The following HAL variants were observed in gnomAD, a reference collection of about 807,000 sequenced individuals.
HAL encodes histidine ammonia-lyase.
Under a neutral mutation model 81.1 loss-of-function variants are expected in HAL, and 85 were observed. That is an observed-to-expected ratio of 1.05 (90% confidence interval 0.88 to 1.25). The LOEUF (loss-of-function observed/expected upper bound fraction) is 1.25, where lower values mean the gene tolerates loss of function less well. HAL is among the 50% of genes most tolerant of loss of function. HAL has a pLI of 0.00. For synonymous variants in HAL, 301 were observed against 309.2 expected, an observed-to-expected ratio of 0.97 and a Z score of 0.28; for missense variants, 798 against 836.6, an observed-to-expected ratio of 0.95 and a Z score of 0.57.
Position 95,976,458 on chromosome 12 carries a change from C to T in HAL, c.1804G>A (p.Ala602Thr). 6.2e-7 allele frequency: 1 copy of T among 1,614,020 alleles called. No homozygotes were observed. Among genetic ancestry groups the T allele is most frequent in the Non-Finnish European group, 8.5e-7 (1 of 1,179,892 alleles). ...KDRFMAPDIE[A>T]AHRLLLEQKV... ...TGCTCCAGGAGCAGCCTGTGGGCTGCCTCGATGTCCGGGGCCATGAAGCGA... is the reference window on the plus strand; with the variant it reads ...TGCTCCAGGAGCAGCCTGTGGGCTGTCTCGATGTCCGGGGCCATGAAGCGA... Residue 602 changes from alanine to threonine, a missense_variant, in exon 20 of 21, where the codon GCA becomes ACA. Physicochemically the swap from Ala to Thr is moderately conservative, Grantham distance 58. Transcript: ENST00000261208.
rs780634001 is a variant in HAL at position 95,974,326 on chromosome 12, T to C, written c.1880A>G (p.His627Arg). The C allele has an allele frequency of 4.3e-6, 7 of 1,612,574 alleles. No homozygotes were observed. In the South Asian group the frequency reaches 6.6e-5, roughly 15 times the overall value. ...AGAAAGAGGTCTTGATTCTGGAATA[T>C]GCTCCATTCTGTATTTTTCAATGTA... ...APYIEKYRME[H>R]IPESRPLSPT... The change falls in exon 21 of 21, where the codon CAT (histidine) becomes CGT (arginine). Residue 627 changes from histidine to arginine, a missense_variant. Coordinates refer to ENST00000261208, the MANE Select transcript of HAL (RefSeq NM_002108.4).
intron 4 of HAL, 92 bp downstream of exon 4, chr12:95,994,706 A>G: frequency 8.1e-7 from 1 of 1,233,652 alleles, no homozygotes; most frequent in South Asian, 1.2e-5. Flanking sequence ...GTTCTAATTG[A>G]CAGTGTTTTC....
chr12:95,974,151 TTCTCAGGTCTCTCCTTCAGCCTAGTA>T lies in HAL; in HGVS notation c.*55_*80del. 1 of 1,244,860 alleles carries T rather than the reference TTCTCAGGTCTCTCCTTCAGCCTAGTA, an allele frequency of 8.0e-7. No homozygotes were observed. Among genetic ancestry groups the T allele is most frequent in the Non-Finnish European group, 1.2e-6 (1 of 842,998 alleles). 77.1% of individuals were successfully genotyped at this position (1,244,860 alleles called of 1,614,324 possible). A position where few individuals can be genotyped will look rare whatever the true frequency, so the allele number is the denominator to read the frequency against. ...CAATGGATTGATCTACCTAGGAAAG[TTCTCAGGTCTCTCCTTCAGCCTAGTA>T]TTGCTTTGTGCTAAACTGACTGCCC... On this transcript the variant is annotated 3_prime_UTR_variant, in exon 21 of 21. Transcript: ENST00000261208.
intron 10 of HAL, among the ~76,000 whole-genome samples, chr12:95,988,801 C>T (rs1033189414): frequency 7.2e-5 from 11 of 151,850 alleles, no homozygotes; most frequent in African/African-American, 2.7e-4. Context: ...CCCGAGGGGG[C>T]GATGGGCAGA....
chr12:95,989,177 G>A lies in HAL; in HGVS notation c.856-937C>T, dbSNP rs201185782. Among the ~76,000 whole-genome samples, 4 of 152,202 alleles carry A rather than the reference G, an allele frequency of 2.6e-5. No individual in the cohort carries two copies. The East Asian group carries it at 7.7e-4, about 29-fold the overall frequency. ...AGCGGAGACGGAAGCTTCTTAGAGGGCTTTTCTATTTTTCTTTTTATTTTT... is the reference window on the plus strand; with the variant it reads ...AGCGGAGACGGAAGCTTCTTAGAGGACTTTTCTATTTTTCTTTTTATTTTT... On this transcript the variant is annotated intron_variant, in intron 10 of 20. Coordinates refer to ENST00000261208, the MANE Select transcript of HAL (RefSeq NM_002108.4).
intron 9 of HAL, among the ~76,000 whole-genome samples, chr12:95,990,838 A>C (rs1236536592): frequency 1.3e-5 from 2 of 152,188 alleles, no homozygotes; most frequent in Non-Finnish European, 2.9e-5. Flanking sequence ...GGCCAGGCGC[A>C]GTGGCTCAAG....
In HAL at chr12:95,992,768, C is replaced by T. The variant is rs766604183; in HGVS notation, c.627G>A (p.Met209Ile). The T allele has an allele frequency of 1.9e-6, 3 of 1,612,608 alleles. No individual in the cohort carries two copies. Among genetic ancestry groups the T allele is most frequent in the Non-Finnish European group, 2.5e-6 (3 of 1,178,610 alleles). The change falls in exon 9 of 21, where the codon ATG becomes ATA. Residue 209 changes from methionine to isoleucine, a missense_variant. By Grantham distance (10) the Met-to-Ile change is conservative (BLOSUM62 1). Coordinates refer to ENST00000261208, the MANE Select transcript of HAL (RefSeq NM_002108.4). Reference sequence around the variant, plus strand: ...AGACATTGATCCTTAAAGCCAAGAGCATCCGACACCTCTCAGGACTTAGTG... The same window carrying T: ...AGACATTGATCCTTAAAGCCAAGAGTATCCGACACCTCTCAGGACTTAGTG... ...GKPLSPERCRMLLALRINVLA... is the reference protein window; with the variant it reads ...GKPLSPERCRILLALRINVLA...
At chr12:95,976,254 C>T in intron 20 of HAL, 175 bp downstream of exon 20, 5 of 691,220 alleles carry the variant, frequency 7.2e-6, no homozygotes, top group Non-Finnish European at 1.3e-5. Flanking sequence ...CCCTGGTGCA[C>T]TTAGTGTTTA....
At position 95,994,142 on chromosome 12, in the gene HAL, C is replaced by A. The variant is rs377255259; in HGVS notation, c.359G>T (p.Arg120Leu). ...PEKYIELDGD[R>L]LTTEDLVNLG... ...GTTGACCAGATCCTCCGTGGTCAGA[C>A]GGTCTCCATCTAACTCGATGTACTA... Residue 120 changes from arginine to leucine, a missense_variant, in exon 5 of 21, where the codon CGT becomes CTT. Arg to Leu is a moderately radical substitution (Grantham distance 102). Transcript: ENST00000261208. 6.2e-7 allele frequency: 1 copy of A among 1,612,696 alleles called. No homozygotes were observed. The highest frequency in any genetic ancestry group is 1.1e-5 in the South Asian group (1 of 91,048).
rs759745112 is a variant in HAL, at chr12:95,986,127, A to G, written c.1085T>C (p.Ile362Thr). The change falls in exon 13 of 21, where the codon ATT becomes ACT. Residue 362 changes from isoleucine to threonine, a missense_variant. By Grantham distance (89) the Ile-to-Thr change is moderately conservative. Coordinates refer to ENST00000261208, the MANE Select transcript of HAL (RefSeq NM_002108.4). Reference sequence around the variant, plus strand: ...TGACCGAAACCGAAAAGCAACTTCAATTTGCCCACGGTGAGGTCGAAGAGC... The same window carrying G: ...TGACCGAAACCGAAAAGCAACTTCAGTTTGCCCACGGTGAGGTCGAAGAGC... ...IHALRPHRGQ[I>T]EVAFRFRSLL... The G allele has an allele frequency of 8.1e-6, 13 of 1,611,550 alleles. No individual in the cohort carries two copies. Among genetic ancestry groups the G allele is most frequent in the South Asian group, 2.2e-5 (2 of 91,042 alleles).
At chr12:95,984,814 A>C (rs201179227) in intron 14 of HAL, among the ~76,000 whole-genome samples, 2 of 152,224 alleles carry the variant, frequency 1.3e-5, no homozygotes, top group Non-Finnish European at 2.9e-5. Context: ...TGTAGATCTA[A>C]TTTGGCAATT....
At chr12:95,990,639 T>C (rs1002938424) in intron 9 of HAL, 107 bp from the exon 10 acceptor site, 2 of 871,250 alleles carry the variant, frequency 2.3e-6, no homozygotes, top group Non-Finnish European at 3.9e-6. Context: ...GCCTCCAATA[T>C]CTATCACTTT....
chr12:95,983,687 A>G (rs1026324833), intron 15 of HAL: 6 of 590,652 alleles, frequency 1.0e-5, no homozygotes, highest in Non-Finnish European at 1.2e-5. Context: ...AAAGTACAGC[A>G]TGTTAGACTT....
chr12:95,987,790 C>G (rs905414232), intron 11 of HAL, among the ~76,000 whole-genome samples: 1 of 151,978 alleles, frequency 6.6e-6, no homozygotes, highest in Non-Finnish European at 1.5e-5. Flanking sequence ...CTCCCTGCAG[C>G]CTTGACCTCC....
intron 9 of HAL, among the ~76,000 whole-genome samples, chr12:95,991,716 G>A (rs943394235): frequency 5.3e-5 from 8 of 152,214 alleles, no homozygotes; most frequent in Admixed American, 3.9e-4. Flanking sequence ...ATTCTCAGAG[G>A]TGCCTTAGAC....
chr12:95,976,850 G>A, intron 18 of HAL, 144 bp from the exon 19 acceptor site: 1 of 702,220 alleles, frequency 1.4e-6, no homozygotes, highest in Non-Finnish European at 2.6e-6. Context: ...AGTTGCTTTG[G>A]TATTTAGTTG....
intron 2 of HAL, chr12:95,995,297 G>T: frequency 3.5e-6 from 2 of 565,472 alleles, no homozygotes. Context: ...CCGGCCTCCA[G>T]TCTGGGGGTG....
chr12:95,995,731 G>A lies in HAL; in HGVS notation c.180C>T (p.Gly60=), dbSNP rs773724198. Residue 60 remains glycine, a synonymous_variant, in exon 2 of 21, where the codon GGC becomes GGT. Coordinates refer to ENST00000261208, the MANE Select transcript of HAL (RefSeq NM_002108.4). ...DAHFLVRRCK[G]LGLLDNEDRL... is the part of the protein sequence containing the mutation. ...GGTCCTCGTTGTCCAGCAGGCCCAGGCCCTTGCACCGGCGCACAAGGAAGT... is the reference window on the plus strand; with the variant it reads ...GGTCCTCGTTGTCCAGCAGGCCCAGACCCTTGCACCGGCGCACAAGGAAGT... 2 of 1,613,654 alleles carry A rather than the reference G, an allele frequency of 1.2e-6. No homozygotes were observed. Among genetic ancestry groups the A allele is most frequent in the Non-Finnish European group, 8.5e-7 (1 of 1,180,024 alleles).
chr12:95,976,343 A>G (rs1244180900), intron 20 of HAL, 86 bp downstream of exon 20: 1 of 1,068,536 alleles, frequency 9.4e-7, no homozygotes, highest in Non-Finnish European at 1.5e-6. Flanking sequence ...CCAGAAAACA[A>G]TAGAATAAGG....
Sources: gnomAD v4.1 joint callset for allele counts (sites outside exome capture counted in the v4.1 genomes callset) on GRCh38, gnomAD v4.1.1 for gene constraint, MANE v1.5 for transcripts, NCBI Gene and HGNC (gene_info 2026-07-23, HGNC 2026-07-21) for gene names.